Variants in PEBP4 observed in about 807,000 individuals in gnomAD.
PEBP4 encodes the protein phosphatidylethanolamine binding protein 4.
Under a neutral mutation model 23.9 loss-of-function variants are expected in PEBP4, and 22 were observed. That is an observed-to-expected ratio of 0.92 (90% CI 0.66 to 1.31). The LOEUF (loss-of-function observed/expected upper bound fraction) is 1.31. PEBP4 is among the 40% of genes most tolerant of loss of function. The pLI is 0.00. For missense variants in PEBP4, 324 were observed against 281.7 expected (o/e 1.15, Z -1.07); for synonymous variants, 112 against 99.3 (o/e 1.13, Z -0.76).
intron 3 of PEBP4, among the ~76,000 whole-genome samples, chr8:22,911,417 A>G (rs936025812): frequency 6.6e-6 from 1 of 152,136 alleles, no homozygotes; most frequent in Non-Finnish European, 1.5e-5. Context: ...TTTGGACTGC[A>G]GTGGGCACCT....
chr8:22,870,215 C>T (rs1472129938), intron 3 of PEBP4, among the ~76,000 whole-genome samples: 1 of 152,170 alleles, frequency 6.6e-6, no homozygotes, highest in East Asian at 1.9e-4. Flanking sequence ...TGGTTAAATG[C>T]ACCATGGCAC....
At chr8:22,897,742 T>G (rs1276738780) in intron 3 of PEBP4, 5 of 152,080 alleles carry the variant, frequency 3.3e-5, no homozygotes, top group African/African-American at 1.2e-4. Flanking sequence ...GGCCCTGAGC[T>G]CTTGTACTCA....
At chr8:22,891,144 A>C (rs1808483808) in intron 3 of PEBP4, among the ~76,000 whole-genome samples, 1 of 152,166 alleles carries the variant, frequency 6.6e-6, no homozygotes, top group Non-Finnish European at 1.5e-5. Context: ...ATCTTATTAA[A>C]TAGGATAACA....
chr8:22,900,726 A>C (rs1371879295), intron 3 of PEBP4, among the ~76,000 whole-genome samples: 1 of 152,070 alleles, frequency 6.6e-6, no homozygotes, highest in Non-Finnish European at 1.5e-5. Flanking sequence ...TGAGAAACTT[A>C]AGCTAGTTGG....
rs563970738 is a variant in PEBP4, at chr8:22,784,647, G to T, written c.357+32990C>A. Among the ~76,000 whole-genome samples, 5 of 152,336 alleles carry T rather than the reference G, an allele frequency of 3.3e-5. No homozygotes were observed. The South Asian group carries it at 6.2e-4, about 19-fold the overall frequency. The stretch of plus-strand genomic sequence containing the variant: ...AATTAACAAACCTGCATTTAAATAA[G>T]CAGCCGCCCGGGTGTTTGTAACCAC... On this transcript the variant is annotated intron_variant, in intron 4 of 6. Transcript: ENST00000256404.
chr8:22,831,508 C>T (rs1807083047), intron 3 of PEBP4, among the ~76,000 whole-genome samples: 1 of 152,172 alleles, frequency 6.6e-6, no homozygotes, highest in Admixed American at 6.5e-5. Context: ...ATTGATTGAG[C>T]TCTTTTCATA....
intron 2 of PEBP4, chr8:22,924,835 T>C (rs1809289675): frequency 2.0e-6 from 2 of 985,388 alleles, no homozygotes; most frequent in Non-Finnish European, 2.4e-6. Flanking sequence ...GTCTGGGGTA[T>C]CTCAGAAGCA....
intron 3 of PEBP4, among the ~76,000 whole-genome samples, chr8:22,850,007 C>T (rs1358509165): frequency 1.3e-5 from 2 of 151,856 alleles, no homozygotes; most frequent in African/African-American, 4.8e-5. Flanking sequence ...CACAGAAGAG[C>T]TTGTGTATGA....
chr8:22,849,812 C>G (rs912376939), intron 3 of PEBP4, among the ~76,000 whole-genome samples: 1 of 152,188 alleles, frequency 6.6e-6, no homozygotes, highest in Non-Finnish European at 1.5e-5. Flanking sequence ...CACATACAGT[C>G]AACTCAAGAC....
chr8:22,817,542 C>T (rs2128761835), intron 4 of PEBP4, 95 bp downstream of exon 4: 1 of 1,224,024 alleles, frequency 8.2e-7, no homozygotes, highest in Non-Finnish European at 1.2e-6. Context: ...AGTCCTCGCT[C>T]CAACCTTCCT....
chr8:22,831,703 AG>A (rs1807086483), intron 3 of PEBP4, among the ~76,000 whole-genome samples: 1 of 152,190 alleles, frequency 6.6e-6, no homozygotes, highest in Non-Finnish European at 1.5e-5. Flanking sequence ...GACCCTGCTC[AG>A]GGTGACCAAA....
chr8:22,837,462 T>C (rs1807227545), intron 3 of PEBP4, among the ~76,000 whole-genome samples: 1 of 152,230 alleles, frequency 6.6e-6, no homozygotes, highest in African/African-American at 2.4e-5. Context: ...GCAAGCTCAT[T>C]GCTGCCCGAT....
At chr8:22,895,162 T>C (rs746323273) in intron 3 of PEBP4, among the ~76,000 whole-genome samples, 1 of 152,246 alleles carries the variant, frequency 6.6e-6, no homozygotes, top group Non-Finnish European at 1.5e-5. Flanking sequence ...TTGATCAATA[T>C]GGATTCTGGA....
At chr8:22,771,117 C>T (rs530198459) in intron 4 of PEBP4, among the ~76,000 whole-genome samples, 94 of 152,366 alleles carry the variant, frequency 6.2e-4, no homozygotes, top group Non-Finnish European at 1.1e-3. Flanking sequence ...CCCCACAGGA[C>T]TGAACACCTA....
chr8:22,774,125 C>T (rs1179856295), intron 4 of PEBP4, among the ~76,000 whole-genome samples: 1 of 152,230 alleles, frequency 6.6e-6, no homozygotes, highest in African/African-American at 2.4e-5. Flanking sequence ...CTGTCGATCA[C>T]AGCATGCTGC....
rs148672554 is a variant in PEBP4 at position 22,765,018 on chromosome 8, G to A, written c.358-37798C>T. Among the ~76,000 whole-genome samples the A allele has an allele frequency of 2.0e-4, 31 of 152,136 alleles. No homozygotes were observed. The East Asian group carries it at 5.8e-3, about 29-fold the overall frequency. The stretch of plus-strand genomic sequence containing the variant: ...ATTGCCCTGGGTCCTGCAAATCGCG[G>A]TTCTGCCAGATACTGAGCCAAGCAT... On this transcript the variant is annotated intron_variant, in intron 4 of 6. Transcript: ENST00000256404.
At chr8:22,786,317 C>T (rs913183945) in intron 4 of PEBP4, among the ~76,000 whole-genome samples, 6 of 152,256 alleles carry the variant, frequency 3.9e-5, no homozygotes, top group Middle Eastern at 3.4e-3. Flanking sequence ...GGGTCTTGCT[C>T]TGCTTCCCAG....
intron 4 of PEBP4, among the ~76,000 whole-genome samples, chr8:22,756,402 A>G (rs1249265778): frequency 1.3e-5 from 2 of 151,694 alleles, no homozygotes; most frequent in Non-Finnish European, 2.9e-5. Flanking sequence ...AACCGACTGA[A>G]CTCCTCGTCA....
intron 3 of PEBP4, among the ~76,000 whole-genome samples, chr8:22,848,113 T>A (rs1273613332): frequency 6.6e-6 from 1 of 152,172 alleles, no homozygotes; most frequent in African/African-American, 2.4e-5. Flanking sequence ...CTGTGAGTGA[T>A]GTCTGTCGGT....
Sources: gnomAD v4.1 joint callset for allele counts (sites outside exome capture counted in the v4.1 genomes callset) on GRCh38, gnomAD v4.1.1 for gene constraint, MANE v1.5 for transcripts, NCBI Gene and HGNC (gene_info 2026-07-23, HGNC 2026-07-21) for gene names.